Variants in FER1L6 observed in about 807,000 individuals in gnomAD.
The protein encoded by FER1L6 is fer-1 like family member 6.
Under a neutral mutation model 219.2 loss-of-function variants are expected in FER1L6, and 177 were observed. That is an observed-to-expected ratio of 0.81 (90% CI 0.71 to 0.91). The LOEUF (loss-of-function observed/expected upper bound fraction) is 0.91. Among genes scored for constraint, FER1L6 ranks in the 40% least tolerant of loss-of-function variants. The pLI is 0.00. For synonymous variants in FER1L6, 768 were observed against 824.3 expected (o/e 0.93, Z 1.17); for missense variants, 2,153 against 2,259.9 (o/e 0.95, Z 0.96).
intron 22 of FER1L6, among the ~76,000 whole-genome samples, chr8:124,053,983 G>A (rs891749362): frequency 1.5e-4 from 23 of 152,058 alleles, no homozygotes; most frequent in Non-Finnish European, 2.6e-4. Context: ...TCATAGCCCC[G>A]TTGTTCTCCC....
At position 123,963,344 on chromosome 8, in the gene FER1L6, T is replaced by G. The variant is rs761103073; in HGVS notation, c.143T>G (p.Leu48Trp). The change falls in exon 3 of 41, where the codon TTG (leucine) becomes TGG (tryptophan). Residue 48 changes from leucine to tryptophan, a missense_variant. Physicochemically the swap from Leu to Trp is moderately conservative, Grantham distance 61 (BLOSUM62 -2). Transcript: ENST00000522917. ...CACCAGGAAGGACCGAGAGGAGATT[T>G]GGTCCATGATGATGCTTCTATCTTT... ...PSHQEGPRGD[L>W]VHDDASIFPV... 2 of 1,614,166 alleles carry G rather than the reference T, an allele frequency of 1.2e-6. No homozygotes were observed. The highest frequency in any genetic ancestry group is 1.7e-6 in the Non-Finnish European group (2 of 1,179,986).
chr8:124,115,641 T>C (rs1270078356), intron 39 of FER1L6, among the ~76,000 whole-genome samples: 1 of 152,226 alleles, frequency 6.6e-6, no homozygotes, highest in Admixed American at 6.5e-5. Flanking sequence ...GATGAAACAG[T>C]GTTGAAGTTA....
At chr8:123,886,877 G>A (rs1001976422) in intron 1 of FER1L6, among the ~76,000 whole-genome samples, 6 of 152,152 alleles carry the variant, frequency 3.9e-5, no homozygotes, top group African/African-American at 7.2e-5. Flanking sequence ...TCCTACCAGT[G>A]TCAGGTATTT....
chr8:124,116,248 C>A (rs996604061), intron 39 of FER1L6, among the ~76,000 whole-genome samples: 16 of 152,276 alleles, frequency 1.1e-4, no homozygotes, highest in South Asian at 6.2e-4. Flanking sequence ...TGTCAGCTAG[C>A]CAAAAAGGGC....
chr8:124,106,360 A>C (rs1037930342), intron 39 of FER1L6, among the ~76,000 whole-genome samples: 2 of 125,200 alleles, frequency 1.6e-5, no homozygotes, highest in Admixed American at 8.3e-5. Context: ...AAAAAAAAAA[A>C]ACAGAGTGGA....
Position 123,867,713 on chromosome 8 carries a change from G to A in FER1L6, c.-8+15528G>A, listed in dbSNP as rs138434945. 7.2e-4 allele frequency among the ~76,000 whole-genome samples: 110 copies of A among 152,278 alleles called. No individual in the cohort carries two copies. The East Asian group carries it at 0.02, about 28-fold the overall frequency. ...ACTCTCCTAAATGTTGGATGTTATT[G>A]CCCTTAATATTTGCACGTAGCTGTT... On this transcript the variant is annotated intron_variant, in intron 1 of 40. Transcript: ENST00000522917.
At chr8:124,040,978 G>A (rs1819462488) in intron 20 of FER1L6, among the ~76,000 whole-genome samples, 1 of 152,200 alleles carries the variant, frequency 6.6e-6, no homozygotes, top group South Asian at 2.1e-4. Context: ...TGTTTCCTCT[G>A]TCTTTCTCCC....
intron 12 of FER1L6, among the ~76,000 whole-genome samples, chr8:123,988,866 G>A (rs556758332): frequency 2.0e-5 from 3 of 152,222 alleles, no homozygotes; most frequent in East Asian, 3.9e-4. Flanking sequence ...ATTATGTTCA[G>A]TAATAGGGAT....
chr8:124,011,240 T>G (rs1039123460), intron 14 of FER1L6, among the ~76,000 whole-genome samples: 1 of 152,200 alleles, frequency 6.6e-6, no homozygotes, highest in African/African-American at 2.4e-5. Context: ...CCTCTGTTAC[T>G]TTTCCCCTCT....
At chr8:123,856,338 A>T (rs1168703617) in intron 1 of FER1L6, among the ~76,000 whole-genome samples, 1 of 128,558 alleles carries the variant, frequency 7.8e-6, no homozygotes, top group African/African-American at 3.1e-5. Context: ...ATATATATAT[A>T]TATATATATA....
intron 12 of FER1L6, among the ~76,000 whole-genome samples, chr8:124,002,851 G>C (rs1327963364): frequency 1.3e-5 from 2 of 151,538 alleles, no homozygotes; most frequent in Non-Finnish European, 2.9e-5. Flanking sequence ...AGGTTCTCAG[G>C]GACACTGCAA....
intron 18 of FER1L6, among the ~76,000 whole-genome samples, chr8:124,029,241 C>T (rs751826507): frequency 7.2e-5 from 11 of 152,106 alleles, no homozygotes; most frequent in Non-Finnish European, 1.0e-4. Context: ...AGTAAACATA[C>T]GTGTGCATGT....
intron 1 of FER1L6, among the ~76,000 whole-genome samples, chr8:123,887,136 C>T (rs1038017252): frequency 1.1e-4 from 17 of 152,138 alleles, no homozygotes; most frequent in Admixed American, 5.9e-4. Flanking sequence ...TACATAGTTA[C>T]GTTTCTTCCC....
At chr8:124,021,457 G>A (rs948121227) in intron 16 of FER1L6, 93 bp from the exon 17 acceptor site, 4 of 1,540,166 alleles carry the variant, frequency 2.6e-6, no homozygotes, top group Non-Finnish European at 2.7e-6. Flanking sequence ...TCAGTGTGGA[G>A]CTCACCAGGA....
intron 1 of FER1L6, among the ~76,000 whole-genome samples, chr8:123,897,396 A>G (rs992288315): frequency 6.6e-6 from 1 of 152,196 alleles, no homozygotes; most frequent in Non-Finnish European, 1.5e-5. Context: ...GAGACAAGGT[A>G]GGGAGAGTGC....
At chr8:124,023,664 A>G (rs879759295) in intron 18 of FER1L6, 68 bp downstream of exon 18, 12 of 1,534,242 alleles carry the variant, frequency 7.8e-6, no homozygotes, top group African/African-American at 1.4e-5. Context: ...CAGACTTTCT[A>G]GTGTGTGTCC....
intron 30 of FER1L6, among the ~76,000 whole-genome samples, chr8:124,070,867 TC>T (rs1476023578): frequency 6.6e-6 from 1 of 152,142 alleles, no homozygotes; most frequent in African/African-American, 2.4e-5. Flanking sequence ...CTTTGTTCTC[TC>T]CCCTCCGGCA....
chr8:123,916,180 C>T (rs564831314), intron 1 of FER1L6, among the ~76,000 whole-genome samples: 113 of 152,316 alleles, frequency 7.4e-4, no homozygotes, highest in African/African-American at 2.6e-3. Context: ...ATTCTCAAAG[C>T]GCTCCTGTCT....
rs1015083314 is a variant in FER1L6 at position 123,975,057 on chromosome 8, G to A, written c.527-93G>A. ...TTACCACCTAGAGCAACAGAGGGAG[G>A]AGAGCCTGGGAGGCCTTGGCGTGTG... is the stretch of plus-strand genomic sequence containing the variant. On this transcript the variant is annotated intron_variant, in intron 7 of 40. Transcript: ENST00000522917. 5.1e-6 allele frequency: 6 copies of A among 1,174,016 alleles called. No individual in the cohort carries two copies. In the Admixed American group the frequency reaches 8.1e-5, roughly 16 times the overall value. The allele number at this position is 1,174,016 out of a possible 1,614,324, so 72.7% of individuals were successfully genotyped here.
Sources: gnomAD v4.1 joint callset for allele counts (sites outside exome capture counted in the v4.1 genomes callset) on GRCh38, gnomAD v4.1.1 for gene constraint, MANE v1.5 for transcripts, NCBI Gene and HGNC (gene_info 2026-07-23, HGNC 2026-07-21) for gene names.